Variants in ARL8B observed in about 807,000 individuals in gnomAD.
ARL8B encodes the protein ADP-ribosylation factor-like protein 8B.
In ARL8B, 9 loss-of-function variants were observed where a neutral mutation model predicts 30.6. That is an observed-to-expected ratio of 0.29 (90% confidence interval 0.18 to 0.51). The LOEUF (loss-of-function observed/expected upper bound fraction) is 0.51. ARL8B is among the 20% of genes least tolerant of loss of function. The pLI, the probability that ARL8B is intolerant of heterozygous loss-of-function variation, is 0.97. For missense variants in ARL8B, 130 were observed against 227.2 expected, an observed-to-expected ratio of 0.57 and a Z score of 2.75; for synonymous variants, 74 against 76.0, an observed-to-expected ratio of 0.97 and a Z score of 0.14.
At chr3:5,125,897 A>G (rs2054226512) in intron 1 of ARL8B, among the ~76,000 whole-genome samples, 1 of 152,204 alleles carries the variant, frequency 6.6e-6, no homozygotes, top group African/African-American at 2.4e-5. Flanking sequence ...GTTAAGAAAA[A>G]AAAAGTCACA....
At chr3:5,126,911 A>G (rs761506015) in intron 1 of ARL8B, among the ~76,000 whole-genome samples, 19 of 152,232 alleles carry the variant, frequency 1.2e-4, no homozygotes, top group Non-Finnish European at 2.6e-4. Flanking sequence ...TTATTAAAAA[A>G]TATCTAATAG....
chr3:5,144,381 T>A (rs1428809785), intron 1 of ARL8B, among the ~76,000 whole-genome samples: 1 of 152,230 alleles, frequency 6.6e-6, no homozygotes, highest in Non-Finnish European at 1.5e-5. Context: ...TCTAATCACC[T>A]TTTTGTTTAT....
intron 1 of ARL8B, among the ~76,000 whole-genome samples, chr3:5,136,612 C>T (rs1017387535): frequency 2.0e-5 from 3 of 152,086 alleles, no homozygotes; most frequent in African/African-American, 7.2e-5. Flanking sequence ...TGTTATCTTT[C>T]CTAGGAACAC....
At chr3:5,155,201 T>C (rs547188564) in intron 1 of ARL8B, among the ~76,000 whole-genome samples, 1 of 152,362 alleles carries the variant, frequency 6.6e-6, no homozygotes, top group South Asian at 2.1e-4. Context: ...TTAACAGTTT[T>C]TGTTTTTTCA....
intron 1 of ARL8B, among the ~76,000 whole-genome samples, chr3:5,141,532 A>G (rs1400661473): frequency 6.6e-6 from 1 of 152,348 alleles, no homozygotes; most frequent in Non-Finnish European, 1.5e-5. Flanking sequence ...GACTCCTGCT[A>G]CAATTATGAG....
intron 1 of ARL8B, among the ~76,000 whole-genome samples, chr3:5,164,941 CG>C (rs2054612232): frequency 6.6e-6 from 1 of 152,078 alleles, no homozygotes; most frequent in Non-Finnish European, 1.5e-5. Context: ...GAGTGTTCCT[CG>C]TTTTGGGTTT....
chr3:5,122,638 G>A (rs574644105), intron 1 of ARL8B, 50 bp downstream of exon 1: 4 of 1,558,996 alleles, frequency 2.6e-6, no homozygotes, highest in Non-Finnish European at 3.5e-6. Context: ...CAGGAGTCCG[G>A]CCCGGCGCTT....
At chr3:5,152,645 C>A (rs1412775547) in intron 1 of ARL8B, among the ~76,000 whole-genome samples, 2 of 152,212 alleles carry the variant, frequency 1.3e-5, no homozygotes, top group Non-Finnish European at 2.9e-5. Flanking sequence ...GCCGCCACAC[C>A]TAGCTAATTT....
At chr3:5,175,226 A>G (rs530371957) in intron 6 of ARL8B, among the ~76,000 whole-genome samples, 1 of 152,224 alleles carries the variant, frequency 6.6e-6, no homozygotes, top group Non-Finnish European at 1.5e-5. Context: ...TAGTTTTGTT[A>G]TACACCATTT....
intron 1 of ARL8B, among the ~76,000 whole-genome samples, chr3:5,140,586 C>T (rs900797668): frequency 6.6e-5 from 10 of 150,934 alleles, no homozygotes; most frequent in African/African-American, 1.2e-4. Context: ...AATTTCAACA[C>T]GTTAGTCTTT....
At chr3:5,174,602 T>C (rs1487852832) in intron 6 of ARL8B, among the ~76,000 whole-genome samples, 188 bp downstream of exon 6, 3 of 149,744 alleles carry the variant, frequency 2.0e-5, no homozygotes, top group Admixed American at 6.7e-5. Context: ...TTAACATCAT[T>C]GATGGCTTCT....
intron 1 of ARL8B, among the ~76,000 whole-genome samples, chr3:5,170,220 G>GT (rs1293997377): frequency 6.6e-6 from 1 of 151,992 alleles, no homozygotes. Flanking sequence ...AAAAATTTTC[G>GT]TATGTATTTG....
At chr3:5,133,366 T>C (rs2054299695) in intron 1 of ARL8B, among the ~76,000 whole-genome samples, 1 of 152,056 alleles carries the variant, frequency 6.6e-6, no homozygotes, top group African/African-American at 2.4e-5. Flanking sequence ...CGCAAGGAAA[T>C]TGGTTACAAG....
intron 1 of ARL8B, among the ~76,000 whole-genome samples, chr3:5,159,066 C>G (rs2054556395): frequency 6.6e-6 from 1 of 151,372 alleles, no homozygotes; most frequent in Admixed American, 6.6e-5. Context: ...CGAGACCAGC[C>G]TGGGCAACAT....
chr3:5,170,468 G>T (rs2054662871), intron 1 of ARL8B, 35 bp from the exon 2 acceptor site: 5 of 1,438,780 alleles, frequency 3.5e-6, no homozygotes, highest in Non-Finnish European at 3.9e-6. Flanking sequence ...CATTATAAGT[G>T]AGTAGCCTAA....
At chr3:5,170,795 G>A (rs112077979) in intron 2 of ARL8B, 4 of 418,712 alleles carry the variant, frequency 9.6e-6, no homozygotes, top group East Asian at 4.6e-5. Flanking sequence ...GCAGTGTCGC[G>A]ATCTCCACTC....
At chr3:5,167,364 A>AATG (rs2054633187) in intron 1 of ARL8B, among the ~76,000 whole-genome samples, 1 of 152,192 alleles carries the variant, frequency 6.6e-6, no homozygotes, top group Non-Finnish European at 1.5e-5. Flanking sequence ...CTGAAATAAT[A>AATG]ATGACTCTAA....
intron 1 of ARL8B, among the ~76,000 whole-genome samples, chr3:5,147,388 C>A (rs1374063114): frequency 1.3e-5 from 2 of 152,138 alleles, no homozygotes; most frequent in Non-Finnish European, 2.9e-5. Flanking sequence ...CCATGGTGTT[C>A]TTAATCCATT....
rs2054756585 is a variant in ARL8B at position 5,179,234 on chromosome 3, C to T, written c.*521C>T. On this transcript the variant is annotated 3_prime_UTR_variant, in exon 7 of 7. Coordinates refer to ENST00000256496, the MANE Select transcript of ARL8B (RefSeq NM_018184.3). ...TGTAAACATAATGTTTATTTTATCT[C>T]ACAAATGCATGTGAAATGTATAATT... 1 of 152,680 alleles carries T rather than the reference C, an allele frequency of 6.5e-6. No individual in the cohort carries two copies. Among genetic ancestry groups the T allele is most frequent in the Non-Finnish European group, 1.5e-5 (1 of 68,092 alleles). 9.5% of individuals were successfully genotyped at this position (152,680 alleles called of 1,614,324 possible). A position where few individuals can be genotyped will look rare whatever the true frequency, so the allele number is the denominator to read the frequency against.
Sources: gnomAD v4.1 joint callset for allele counts (sites outside exome capture counted in the v4.1 genomes callset) on GRCh38, gnomAD v4.1.1 for gene constraint, MANE v1.5 for transcripts, NCBI Gene and HGNC (gene_info 2026-07-23, HGNC 2026-07-21) for gene names.